The following DLC1 variants were observed in gnomAD, a reference collection of about 807,000 sequenced individuals.
DLC1 encodes the protein DLC1 Rho GTPase activating protein, also known as rho GTPase-activating protein 7.
In DLC1, 54 loss-of-function variants were observed where a neutral mutation model predicts 140.3. The ratio of observed to expected loss-of-function variants is 0.38; its 90% confidence interval spans 0.31 to 0.48. The LOEUF (loss-of-function observed/expected upper bound fraction) is 0.48. Ranked by LOEUF, DLC1 falls within the 20% of genes least tolerant of loss-of-function variation. DLC1 has a pLI of 0.96. For synonymous variants in DLC1, 986 were observed against 728.1 expected, an observed-to-expected ratio of 1.35 and a Z score of -5.70; for missense variants, 2,536 against 1,907.0, an observed-to-expected ratio of 1.33 and a Z score of -6.14.
In DLC1 at chr8:13,526,813, C is replaced by T. The variant is rs1231594678; in HGVS notation, c.-125-26617G>A. 2.6e-5 allele frequency among the ~76,000 whole-genome samples: 4 copies of T among 152,068 alleles called. No homozygotes were observed. The South Asian group carries it at 6.2e-4, about 24-fold the overall frequency. On this transcript the variant is annotated intron_variant, in intron 1 of 1. Coordinates refer to the DLC1 transcript ENST00000631382. Reference sequence around the variant, plus strand: ...GGGAGGGATAGCATTAGGAGATATACCTAATGTAAATGACGAGTTAACGGG... The same window carrying T: ...GGGAGGGATAGCATTAGGAGATATATCTAATGTAAATGACGAGTTAACGGG...
chr8:13,431,006 A>T (rs370299589), intron 2 of DLC1, among the ~76,000 whole-genome samples: 9 of 152,240 alleles, frequency 5.9e-5, no homozygotes, highest in African/African-American at 1.9e-4. Context: ...AGAATAATCT[A>T]TAAAATGCAT....
Position 13,424,445 on chromosome 8 carries a change from C to G in DLC1, c.1024-22826G>C, listed in dbSNP as rs570308287. Among the ~76,000 whole-genome samples the G allele has an allele frequency of 1.8e-3, 271 of 152,120 alleles. 1 individual carries two copies. The highest frequency in any genetic ancestry group is 6.3e-3 in the African/African-American group (263 of 41,516). On this transcript the variant is annotated intron_variant, in intron 2 of 17. Transcript: ENST00000276297. ...CAGAGGTTGCAGTGAGCAGAGATCA[C>G]GCCACTTCACTCCAGCCTGGGCGAC... is the stretch of plus-strand genomic sequence containing the variant.
intron 4 of DLC1, among the ~76,000 whole-genome samples, chr8:13,308,475 G>C (rs368917087): frequency 3.9e-5 from 6 of 152,154 alleles, no homozygotes; most frequent in Non-Finnish European, 7.4e-5. Flanking sequence ...CTAGAAAGTT[G>C]TTTATGAATA....
chr8:13,405,138 A>G (rs1422965593), intron 2 of DLC1, among the ~76,000 whole-genome samples: 3 of 152,066 alleles, frequency 2.0e-5, no homozygotes, highest in Non-Finnish European at 2.9e-5. Context: ...ATTATAATTA[A>G]CATATTTTTT....
intron 4 of DLC1, among the ~76,000 whole-genome samples, chr8:13,312,378 A>T (rs1420119780): frequency 8.7e-6 from 1 of 115,204 alleles, no homozygotes; most frequent in African/African-American, 3.6e-5. Flanking sequence ...AAAAAAAAAA[A>T]AAAAAAAAAA....
chr8:13,432,758 G>T (rs189166469), intron 2 of DLC1, among the ~76,000 whole-genome samples: 168 of 152,212 alleles, frequency 1.1e-3, no homozygotes, highest in African/African-American at 3.9e-3. Context: ...CAGTAGAGTG[G>T]TGAAGATATA....
chr8:13,169,362 T>A (rs1187933864), intron 5 of DLC1, among the ~76,000 whole-genome samples: 1 of 152,228 alleles, frequency 6.6e-6, no homozygotes, highest in African/African-American at 2.4e-5. Context: ...GAAAATTATT[T>A]AATCTCTCAA....
At chr8:13,547,551 G>T (rs1803695205) in intron 1 of DLC1, among the ~76,000 whole-genome samples, 1 of 152,034 alleles carries the variant, frequency 6.6e-6, no homozygotes, top group South Asian at 2.1e-4. Flanking sequence ...TCAAACAAAA[G>T]GTGAGTATAT....
At chr8:13,189,681 G>C (rs1168362907) in intron 5 of DLC1, among the ~76,000 whole-genome samples, 3 of 152,128 alleles carry the variant, frequency 2.0e-5, no homozygotes, top group African/African-American at 4.8e-5. Flanking sequence ...TTAGGAGTTT[G>C]AGACCATCCT....
intron 4 of DLC1, among the ~76,000 whole-genome samples, chr8:13,382,211 TG>T (rs1404589723): frequency 6.6e-6 from 1 of 151,964 alleles, no homozygotes; most frequent in Non-Finnish European, 1.5e-5. Flanking sequence ...TTACGTATAC[TG>T]AAATGAAAGA....
In DLC1 at chr8:13,579,088, G is replaced by A. The variant is rs532299019; in HGVS notation, c.-126+25449C>T. Among the ~76,000 whole-genome samples the A allele has an allele frequency of 1.7e-4, 26 of 150,858 alleles. No homozygotes were observed. The East Asian group carries it at 3.0e-3, about 17-fold the overall frequency. ...GCCTAGGACATTTTAAGGGATTTAGGAGCTCTGTGCCAGACTCTCCTATCA... is the reference window on the plus strand; with the variant it reads ...GCCTAGGACATTTTAAGGGATTTAGAAGCTCTGTGCCAGACTCTCCTATCA... On this transcript the variant is annotated intron_variant, in intron 1 of 1. Transcript: ENST00000631382.
At chr8:13,411,423 G>C (rs1837775657) in intron 2 of DLC1, among the ~76,000 whole-genome samples, 1 of 152,158 alleles carries the variant, frequency 6.6e-6, no homozygotes, top group Non-Finnish European at 1.5e-5. Flanking sequence ...CCATAGAGGA[G>C]TTTTAGGGCA....
At chr8:13,600,649 A>G (rs1470700981) in intron 1 of DLC1, among the ~76,000 whole-genome samples, 1 of 151,890 alleles carries the variant, frequency 6.6e-6, no homozygotes, top group Non-Finnish European at 1.5e-5. Context: ...CTCTCTAATG[A>G]AAAGATTTTA....
chr8:13,154,059 T>C (rs1008243397), intron 5 of DLC1, among the ~76,000 whole-genome samples: 2 of 152,160 alleles, frequency 1.3e-5, no homozygotes, highest in Non-Finnish European at 2.9e-5. Flanking sequence ...GAGTGCTGAT[T>C]GGTGCATTTA....
chr8:13,094,773 A>G lies in DLC1; in HGVS notation c.3512T>C (p.Leu1171Pro), dbSNP rs569906796. Residue 1171 changes from leucine (L) to proline (P), a missense_variant, in exon 12 of 18, where the codon CTA becomes CCA. Coordinates refer to ENST00000276297, the MANE Select transcript of DLC1 (RefSeq NM_182643.3). ...AGGACACTCACATTGGTAGATCTGT[A>G]GAAAGGTTTCCGAGAGTTTGTTCGT... The part of the protein sequence containing the change: ...LMTNKLSETF[L>P]QIYQYVPKDQ... 3.1e-6 allele frequency: 5 copies of G among 1,614,226 alleles called. No individual in the cohort carries two copies. In the South Asian group the frequency reaches 5.5e-5, roughly 18 times the overall value.
At chr8:13,138,977 G>T (rs1822768090) in intron 5 of DLC1, among the ~76,000 whole-genome samples, 1 of 152,006 alleles carries the variant, frequency 6.6e-6, no homozygotes. Context: ...TAATTTAGTT[G>T]TCCAGTGATA....
intron 5 of DLC1, among the ~76,000 whole-genome samples, chr8:13,228,064 T>C (rs763787241): frequency 6.6e-6 from 1 of 152,214 alleles, no homozygotes; most frequent in South Asian, 2.1e-4. Flanking sequence ...CAAGAGACTA[T>C]GTATATCAGG....
intron 15 of DLC1, 113 bp from the exon 16 acceptor site, chr8:13,088,817 A>G (rs1817792677): frequency 1.3e-6 from 1 of 777,570 alleles, no homozygotes; most frequent in Non-Finnish European, 2.0e-6. Flanking sequence ...ACGTTAATTG[A>G]TTAAATGATA....
intron 5 of DLC1, among the ~76,000 whole-genome samples, chr8:13,176,784 A>G (rs1191448664): frequency 6.6e-6 from 1 of 152,214 alleles, no homozygotes; most frequent in Admixed American, 6.5e-5. Flanking sequence ...ACCTTCAAAT[A>G]TGGAGATTGT....
Sources: gnomAD v4.1 joint callset for allele counts (sites outside exome capture counted in the v4.1 genomes callset) on GRCh38, gnomAD v4.1.1 for gene constraint, MANE v1.5 for transcripts, NCBI Gene and HGNC (gene_info 2026-07-23, HGNC 2026-07-21) for gene names.